RPS6KA2: variants seen among roughly 807,000 people sequenced by gnomAD.
The protein encoded by RPS6KA2 is ribosomal protein S6 kinase alpha-2.
A neutral mutation model predicts 91.8 loss-of-function variants in RPS6KA2; 42 were observed. The ratio of observed to expected loss-of-function variants is 0.46; its 90% confidence interval spans 0.36 to 0.59. RPS6KA2 has a LOEUF of 0.59. Ranked by LOEUF, RPS6KA2 falls within the 20% of genes least tolerant of loss-of-function variation. RPS6KA2 has a pLI of 0.00. For synonymous variants in RPS6KA2, 414 were observed against 393.6 expected (o/e 1.05, Z -0.61); for missense variants, 798 against 978.5 (o/e 0.82, Z 2.46).
intron 2 of RPS6KA2, among the ~76,000 whole-genome samples, chr6:166,653,858 T>C (rs1424245464): frequency 6.6e-6 from 1 of 152,258 alleles, no homozygotes; most frequent in Admixed American, 6.5e-5. Flanking sequence ...AAACAAAACA[T>C]GTTCATTAAT....
In RPS6KA2 at chr6:166,707,787, G is replaced by A. The variant is rs150537359; in HGVS notation, c.123+150413C>T. On this transcript the variant is annotated intron_variant, in intron 2 of 21. Transcript: ENST00000503859. Reference sequence around the variant, plus strand: ...AGGGTCTTACTTTGTTGCCCAGGCTGAAGTACAGTGGTGCGATCTTGGCTC... The same window carrying A: ...AGGGTCTTACTTTGTTGCCCAGGCTAAAGTACAGTGGTGCGATCTTGGCTC... 1.2e-4 allele frequency among the ~76,000 whole-genome samples: 18 copies of A among 151,976 alleles called. 1 individual carries two copies. In the East Asian group the frequency reaches 3.5e-3, roughly 29 times the overall value.
chr6:166,802,963 T>TAA (rs71554316), intron 2 of RPS6KA2, among the ~76,000 whole-genome samples: 10 of 150,428 alleles, frequency 6.6e-5, no homozygotes, highest in South Asian at 4.2e-4. Flanking sequence ...TATATATATA[T>TAA]AAAATGATTA....
intron 3 of RPS6KA2, among the ~76,000 whole-genome samples, chr6:166,511,431 A>T (rs144177482): frequency 6.6e-6 from 1 of 152,232 alleles, no homozygotes; most frequent in Non-Finnish European, 1.5e-5. Flanking sequence ...TTAGTGTGTT[A>T]CAACAGCTAC....
chr6:166,470,237 T>G (rs1356657240), intron 10 of RPS6KA2, among the ~76,000 whole-genome samples: 2 of 152,144 alleles, frequency 1.3e-5, no homozygotes, highest in Non-Finnish European at 2.9e-5. Flanking sequence ...CCCAGGAGCT[T>G]GAGGTGCCTG....
chr6:166,742,977 A>G (rs1002702288), intron 2 of RPS6KA2, among the ~76,000 whole-genome samples: 2 of 152,234 alleles, frequency 1.3e-5, no homozygotes, highest in Non-Finnish European at 2.9e-5. Flanking sequence ...TTCCCAAGAC[A>G]TTTGTCACAG....
rs1779753217 is a variant in RPS6KA2 at position 166,448,636 on chromosome 6, C to T, written c.1332+88G>A. On this transcript the variant is annotated intron_variant, in intron 14 of 20. Transcript: ENST00000265678. This position sits in a 1 kb window ranked among gnomAD's most constrained non-coding sequence, Gnocchi z 4.7. Reference sequence around the variant, plus strand: ...TGCACTCACACAGGGCCCTGCTATGCTCCTATGCTCCGTGCTCCCACATAC... The same window carrying T: ...TGCACTCACACAGGGCCCTGCTATGTTCCTATGCTCCGTGCTCCCACATAC... 1.4e-6 allele frequency: 2 copies of T among 1,455,852 alleles called. No homozygotes were observed. The highest frequency in any genetic ancestry group is 1.3e-5 in the South Asian group (1 of 76,706). The allele number at this position is 1,455,852 out of a possible 1,614,324, so 90.2% of individuals were successfully genotyped here.
At chr6:166,565,167 T>C (rs73257242) in intron 1 of RPS6KA2, among the ~76,000 whole-genome samples, 8,579 of 152,254 alleles carry the variant, frequency 0.056, 842 homozygotes, top group African/African-American at 0.2. Flanking sequence ...GTGCTCGGCC[T>C]CTGCTATGCA....
At chr6:166,652,178 A>G (rs1024160053) in intron 2 of RPS6KA2, among the ~76,000 whole-genome samples, 9 of 152,254 alleles carry the variant, frequency 5.9e-5, no homozygotes, top group Non-Finnish European at 1.0e-4. Context: ...TTCGCATTAC[A>G]TGTGGCATGA....
rs372741785 is a variant in RPS6KA2 at position 166,643,886 on chromosome 6, T to A, written c.124-105102A>T. Among the ~76,000 whole-genome samples the A allele has an allele frequency of 1.1e-4, 17 of 152,354 alleles. No individual in the cohort carries two copies. In the East Asian group the frequency reaches 3.3e-3, roughly 29 times the overall value. On this transcript the variant is annotated intron_variant, in intron 2 of 21. Coordinates refer to the RPS6KA2 transcript ENST00000503859. Reference sequence around the variant, plus strand: ...TGTGAGCATTTAATTAATGCTTTTATTAGACTGTAAACCCTGTGAGGGCAG... The same window carrying A: ...TGTGAGCATTTAATTAATGCTTTTAATAGACTGTAAACCCTGTGAGGGCAG...
intron 2 of RPS6KA2, chr6:166,701,557 C>A (rs1290082444): frequency 6.9e-7 from 1 of 1,453,494 alleles, no homozygotes; most frequent in African/African-American, 1.4e-5. Context: ...GATGTGCTGG[C>A]CCTGCTTGCT....
chr6:166,480,126 G>T (rs1236944206), intron 10 of RPS6KA2, among the ~76,000 whole-genome samples: 1 of 152,040 alleles, frequency 6.6e-6, no homozygotes, highest in African/African-American at 2.4e-5. Flanking sequence ...CTTTTGCAGA[G>T]ATTTTTCAGG....
intron 2 of RPS6KA2, among the ~76,000 whole-genome samples, chr6:166,723,431 A>T (rs776467852): frequency 2.0e-5 from 3 of 150,830 alleles, no homozygotes; most frequent in Non-Finnish European, 3.0e-5. Context: ...CGTGTGCACT[A>T]CCTTCTTCAC....
intron 2 of RPS6KA2, among the ~76,000 whole-genome samples, chr6:166,800,010 A>T (rs1779323758): frequency 6.6e-6 from 1 of 151,658 alleles, no homozygotes. Flanking sequence ...ATTTGCTCAG[A>T]AGCTTTTCGT....
intron 2 of RPS6KA2, among the ~76,000 whole-genome samples, chr6:166,835,599 C>T (rs147829304): frequency 2.2e-4 from 34 of 152,324 alleles, no homozygotes; most frequent in African/African-American, 7.7e-4. Context: ...ATTTACCTTA[C>T]GTCCTGCAAC....
At chr6:166,740,062 G>A (rs1324221436) in intron 2 of RPS6KA2, among the ~76,000 whole-genome samples, 3 of 152,206 alleles carry the variant, frequency 2.0e-5, no homozygotes, top group Non-Finnish European at 4.4e-5. Context: ...TGATGTCCCA[G>A]TGGGTGAGGA....
intron 2 of RPS6KA2, among the ~76,000 whole-genome samples, chr6:166,692,755 C>T (rs1397678955): frequency 1.3e-5 from 2 of 152,190 alleles, no homozygotes; most frequent in African/African-American, 4.8e-5. Flanking sequence ...ACGGCAGGCT[C>T]CAAAGTGCTT....
rs1023271551 is a variant in RPS6KA2, at chr6:166,821,573, C to T, written c.123+36627G>A. Among the ~76,000 whole-genome samples the T allele has an allele frequency of 1.3e-5, 2 of 152,090 alleles. No homozygotes were observed. The highest frequency in any genetic ancestry group is 4.8e-5 in the African/African-American group (2 of 41,400). ...TCCGTGTGGGTGCGGTGGGCCATCC[C>T]TCCTCCCACCGTAACCACCTACGCT... On this transcript the variant is annotated intron_variant, in intron 2 of 21. Coordinates refer to the RPS6KA2 transcript ENST00000503859. This position sits in a 1 kb window ranked among gnomAD's most constrained non-coding sequence, Gnocchi z 4.1.
chr6:166,637,070 G>A (rs1302198793), intron 2 of RPS6KA2, among the ~76,000 whole-genome samples: 1 of 152,234 alleles, frequency 6.6e-6, no homozygotes, highest in East Asian at 1.9e-4. Context: ...GGCTGGGGAG[G>A]TGCCGCCTCT....
chr6:166,848,738 T>C (rs1780665067), intron 2 of RPS6KA2, among the ~76,000 whole-genome samples: 1 of 151,894 alleles, frequency 6.6e-6, no homozygotes, highest in Non-Finnish European at 1.5e-5. Context: ...TCAACGGACT[T>C]TGGGAACTCA....
Sources: allele counts gnomAD v4.1 joint callset (sites outside exome capture counted in the v4.1 genomes callset), GRCh38; gene constraint gnomAD v4.1.1; non-coding constraint Gnocchi (gnomAD v3.1); transcripts MANE v1.5; gene names NCBI Gene and HGNC (gene_info 2026-07-23, HGNC 2026-07-21).